The following GLI2 variants were observed in gnomAD, a reference collection of about 807,000 sequenced individuals.
The protein encoded by GLI2 is transcription activator GLI2.
GLI2 carries 22 observed loss-of-function variants against 78.9 expected under a neutral mutation model. That is an observed-to-expected ratio of 0.28 (90% CI 0.20 to 0.40). The LOEUF (loss-of-function observed/expected upper bound fraction) is 0.40, where lower values mean the gene tolerates loss of function less well. Among genes scored for constraint, GLI2 ranks in the 10% least tolerant of loss-of-function variants. GLI2 has a pLI of 1.00. For missense variants in GLI2, 2,097 were observed against 2,213.2 expected, an observed-to-expected ratio of 0.95 and a Z score of 1.05; for synonymous variants, 974 against 963.7, an observed-to-expected ratio of 1.01 and a Z score of -0.20.
intron 2 of GLI2, among the ~76,000 whole-genome samples, chr2:120,816,628 T>C (rs10193680): frequency 0.055 from 7,962 of 144,754 alleles, 673 homozygotes; most frequent in African/African-American, 0.19. Flanking sequence ...ATTATATTTA[T>C]GAAAAGAGCT....
intron 8 of GLI2, chr2:120,972,786 G>A (rs1212355848): frequency 2.1e-6 from 1 of 469,134 alleles, no homozygotes; most frequent in Non-Finnish European, 4.3e-6. Flanking sequence ...GAAGAGCGGA[G>A]CAGCCCACAG....
chr2:120,801,569 C>CA (rs1313385844), intron 2 of GLI2, among the ~76,000 whole-genome samples: 2 of 152,204 alleles, frequency 1.3e-5, no homozygotes, highest in African/African-American at 4.8e-5. Flanking sequence ...TAAGACTTTT[C>CA]AATTACAGGG....
Position 120,899,406 on chromosome 2 carries a change from T to TACACAC in GLI2, c.149-27937_149-27932dup, listed in dbSNP as rs71398006. 4.0e-3 allele frequency among the ~76,000 whole-genome samples: 583 copies of TACACAC among 146,566 alleles called. 9 individuals are homozygous for TACACAC. Among genetic ancestry groups the TACACAC allele is most frequent in the African/African-American group, 0.014 (550 of 38,178 alleles). ...ATACACACTTGTGTGTACACACACA[T>TACACAC]ACACACACACACACACACACACATA... On this transcript the variant is annotated intron_variant, in intron 2 of 13. Coordinates refer to ENST00000361492, the MANE Select transcript of GLI2 (RefSeq NM_001374353.1).
Position 120,982,863 on chromosome 2 carries a change from C to T in GLI2, c.1615C>T (p.Arg539Cys). The T allele has an allele frequency of 6.2e-7, 1 of 1,614,024 alleles. No individual in the cohort carries two copies. Among genetic ancestry groups the T allele is most frequent in the East Asian group, 2.2e-5 (1 of 44,872 alleles). The change falls in exon 11 of 14, where the codon CGC (arginine) becomes TGC (cysteine). Residue 539 changes from arginine (R) to cysteine (C), a missense_variant. Physicochemically the swap from Arg to Cys is radical, Grantham distance 180. Around this residue, in one of 5 missense-constraint regions of GLI2, gnomAD observed 104 missense variants for 190.6 expected, o/e 0.55. Transcript: ENST00000361492. ...CTCGGACCGCGCCAAGCACCAGAATCGCACCCACTCCAACGAGGTACCTCT... is the reference window on the plus strand; with the variant it reads ...CTCGGACCGCGCCAAGCACCAGAATTGCACCCACTCCAACGAGGTACCTCT... ...NASDRAKHQN[R>C]THSNEKPYIC...
At chr2:120,880,857 C>T (rs1339663245) in intron 2 of GLI2, among the ~76,000 whole-genome samples, 1 of 152,110 alleles carries the variant, frequency 6.6e-6, no homozygotes, top group African/African-American at 2.4e-5. Flanking sequence ...TGTTTTCAGC[C>T]ATTGAACACA....
chr2:120,748,672 C>T (rs1024088525), intron 1 of GLI2, among the ~76,000 whole-genome samples: 1 of 152,156 alleles, frequency 6.6e-6, no homozygotes, highest in Admixed American at 6.5e-5. Flanking sequence ...ATTTGGGATC[C>T]TGATGTGCAG....
At chr2:120,859,601 C>T (rs1046001415) in intron 2 of GLI2, among the ~76,000 whole-genome samples, 1 of 151,938 alleles carries the variant, frequency 6.6e-6, no homozygotes, top group African/African-American at 2.4e-5. Flanking sequence ...ACTACAGGAG[C>T]ACACCACCGT....
At chr2:120,927,672 C>T (rs1679754017) in intron 3 of GLI2, among the ~76,000 whole-genome samples, 1 of 152,226 alleles carries the variant, frequency 6.6e-6, no homozygotes, top group African/African-American at 2.4e-5. Context: ...ACACCAACCA[C>T]CCCCGAGCCC....
chr2:120,941,471 G>A (rs1680444047), intron 3 of GLI2, among the ~76,000 whole-genome samples: 1 of 152,170 alleles, frequency 6.6e-6, no homozygotes, highest in African/African-American at 2.4e-5. Context: ...TCTATTTGTC[G>A]GTAGAGCCGA....
chr2:120,968,670 CAT>C, intron 5 of GLI2, 42 bp from the exon 6 acceptor site: 1 of 1,381,714 alleles, frequency 7.2e-7, no homozygotes, highest in Non-Finnish European at 1.0e-6. Context: ...CCCCCTCCCC[CAT>C]CCCCAGTGAT....
At chr2:120,842,835 T>C (rs1364699927) in intron 2 of GLI2, among the ~76,000 whole-genome samples, 1 of 152,242 alleles carries the variant, frequency 6.6e-6, no homozygotes, top group African/African-American at 2.4e-5. Flanking sequence ...ATAGTTTTAT[T>C]TGTTAGACTT....
rs181075788 is a variant in GLI2 at position 120,817,213 on chromosome 2, C to T, written c.148+19745C>T. Among the ~76,000 whole-genome samples the T allele has an allele frequency of 1.6e-4, 25 of 152,334 alleles. No homozygotes were observed. In the East Asian group the frequency reaches 3.9e-3, roughly 24 times the overall value. On this transcript the variant is annotated intron_variant, in intron 2 of 13. Transcript: ENST00000361492. ...AATCCCACATAGATTTCTGCTGTGGCCAGCCCTCACCCGGAACCACACAGG... is the reference window on the plus strand; with the variant it reads ...AATCCCACATAGATTTCTGCTGTGGTCAGCCCTCACCCGGAACCACACAGG...
At chr2:120,899,602 AG>A (rs1678155082) in intron 2 of GLI2, among the ~76,000 whole-genome samples, 1 of 152,130 alleles carries the variant, frequency 6.6e-6, no homozygotes, top group Admixed American at 6.5e-5. Context: ...CAGTGAACTG[AG>A]GGTGACTGTG....
chr2:120,969,693 G>A (rs1435149958), intron 6 of GLI2, among the ~76,000 whole-genome samples: 3 of 152,212 alleles, frequency 2.0e-5, no homozygotes, highest in African/African-American at 7.2e-5. Flanking sequence ...CCCGCCGAAG[G>A]CTTGACTGGG....
At chr2:120,868,568 C>G (rs1216581605) in intron 2 of GLI2, among the ~76,000 whole-genome samples, 2 of 152,170 alleles carry the variant, frequency 1.3e-5, no homozygotes, top group Non-Finnish European at 2.9e-5. Flanking sequence ...GGCAGCTGGC[C>G]CCCTCCCTCC....
At chr2:120,817,314 C>T (rs1191623946) in intron 2 of GLI2, among the ~76,000 whole-genome samples, 1 of 152,194 alleles carries the variant, frequency 6.6e-6, no homozygotes, top group East Asian at 1.9e-4. Context: ...GTCTCTCCCC[C>T]AGCTCCCAGC....
At chr2:120,832,545 T>G (rs895476) in intron 2 of GLI2, among the ~76,000 whole-genome samples, 28,342 of 152,054 alleles carry the variant, frequency 0.19, 2,676 homozygotes, top group Middle Eastern at 0.26. Flanking sequence ...CTCGGGCCCT[T>G]GTAAGGGAAC....
chr2:120,748,827 G>C (rs543623688), intron 1 of GLI2, among the ~76,000 whole-genome samples: 1 of 152,042 alleles, frequency 6.6e-6, no homozygotes, highest in South Asian at 2.1e-4. Context: ...TATAGGTTGA[G>C]ATTAAGATTA....
intron 2 of GLI2, among the ~76,000 whole-genome samples, chr2:120,858,832 T>G (rs1687776001): frequency 6.6e-6 from 1 of 152,208 alleles, no homozygotes; most frequent in South Asian, 2.1e-4. Flanking sequence ...CCAACTCCAT[T>G]TATTACCTAT....
Sources: allele counts gnomAD v4.1 joint callset (sites outside exome capture counted in the v4.1 genomes callset), GRCh38; gene constraint gnomAD v4.1.1; regional missense constraint gnomAD v4.1.1; transcripts MANE v1.5; gene names NCBI Gene and HGNC (gene_info 2026-07-23, HGNC 2026-07-21).